FRAS1: variants seen among roughly 807,000 people sequenced by gnomAD.
FRAS1 encodes Fraser extracellular matrix complex subunit 1.
Under a neutral mutation model 435.2 loss-of-function variants are expected in FRAS1, and 290 were observed. The observed-to-expected ratio is 0.67, with a 90% CI of 0.61 to 0.73. The LOEUF (loss-of-function observed/expected upper bound fraction) is 0.73. Ranked by LOEUF, FRAS1 falls within the 30% of genes least tolerant of loss-of-function variation. FRAS1 has a pLI of 0.00. For missense variants in FRAS1, 4,860 were observed against 5,001.5 expected (o/e 0.97, Z 0.85); for synonymous variants, 1,800 against 1,851.0 (o/e 0.97, Z 0.71).
intron 18 of FRAS1, chr4:78,319,579 G>GAAAAAAA: frequency 3.5e-6 from 1 of 284,646 alleles, no homozygotes; most frequent in Middle Eastern, 4.4e-4. Flanking sequence ...AAAGCTACGT[G>GAAAAAAA]AAAAAAAAAT....
At chr4:78,380,074 C>G in intron 27 of FRAS1, 78 bp downstream of exon 27, 1 of 1,497,380 alleles carries the variant, frequency 6.7e-7, no homozygotes, top group Non-Finnish European at 9.0e-7. Flanking sequence ...GTCCCAGCCT[C>G]TCTGTCTCAA....
chr4:78,203,790 A>G (rs573852234), intron 2 of FRAS1, among the ~76,000 whole-genome samples: 3 of 151,894 alleles, frequency 2.0e-5, no homozygotes, highest in Non-Finnish European at 2.9e-5. Flanking sequence ...CTGGTCTCGA[A>G]CTCCTGACCT....
intron 72 of FRAS1, among the ~76,000 whole-genome samples, chr4:78,537,723 A>G (rs971429642): frequency 4.6e-5 from 7 of 152,156 alleles, no homozygotes; most frequent in African/African-American, 1.7e-4. Context: ...TGGGAGAATC[A>G]CTTAAGCTTA....
intron 2 of FRAS1, among the ~76,000 whole-genome samples, chr4:78,189,052 A>G (rs975847645): frequency 2.0e-5 from 3 of 152,176 alleles, no homozygotes; most frequent in Non-Finnish European, 1.5e-5. Context: ...AGACTAAGGC[A>G]AAAGGTTTGC....
chr4:78,384,540 G>T (rs1480961201), intron 28 of FRAS1, among the ~76,000 whole-genome samples: 1 of 152,094 alleles, frequency 6.6e-6, no homozygotes, highest in Non-Finnish European at 1.5e-5. Flanking sequence ...TACAGAGGCG[G>T]TGTTCTTAAC....
At chr4:78,105,183 G>A (rs1420612665) in intron 2 of FRAS1, among the ~76,000 whole-genome samples, 1 of 152,166 alleles carries the variant, frequency 6.6e-6, no homozygotes, top group Non-Finnish European at 1.5e-5. Context: ...GGCTTGGCTT[G>A]GCAGAGTCCT....
At chr4:78,511,558 C>G in intron 64 of FRAS1, 52 bp downstream of exon 64, 1 of 1,315,970 alleles carries the variant, frequency 7.6e-7, no homozygotes, top group Admixed American at 1.9e-5. Flanking sequence ...AATCTCAGGT[C>G]TCCTTTGTGT....
chr4:78,263,373 A>G (rs1726206079), intron 6 of FRAS1, among the ~76,000 whole-genome samples: 1 of 152,200 alleles, frequency 6.6e-6, no homozygotes, highest in African/African-American at 2.4e-5. Flanking sequence ...TGTTGCCAAT[A>G]AGATTTGGAA....
At chr4:78,405,223 G>A (rs1210820894) in intron 30 of FRAS1, among the ~76,000 whole-genome samples, 6 of 152,138 alleles carry the variant, frequency 3.9e-5, no homozygotes, top group African/African-American at 1.4e-4. Context: ...TATCATAAAA[G>A]CAGAATAACT....
chr4:78,385,360 G>C (rs1226992163), intron 28 of FRAS1, among the ~76,000 whole-genome samples: 1 of 152,178 alleles, frequency 6.6e-6, no homozygotes, highest in Non-Finnish European at 1.5e-5. Context: ...AAGGACACTA[G>C]ATGATTGTTT....
chr4:78,280,341 G>C (rs957925477), intron 10 of FRAS1, among the ~76,000 whole-genome samples: 1 of 152,140 alleles, frequency 6.6e-6, no homozygotes, highest in Admixed American at 6.5e-5. Context: ...CTACAGCATG[G>C]ATATGCTGGA....
intron 33 of FRAS1, among the ~76,000 whole-genome samples, chr4:78,420,589 T>TTAGTTCTATACCTGA (rs1262339009): frequency 4.7e-5 from 5 of 106,228 alleles, no homozygotes; most frequent in Non-Finnish European, 7.4e-5. Context: ...GTTCTTAGAA[T>TTAGTTCTATACCTGA]AATCAAGACC....
chr4:78,077,197 A>AACACACACACACACACAC (rs10535451), intron 2 of FRAS1, among the ~76,000 whole-genome samples: 39 of 149,932 alleles, frequency 2.6e-4, no homozygotes, highest in African/African-American at 9.1e-4. Context: ...GACACACAGA[A>AACACACACACACACACAC]ACACACACAC....
At chr4:78,122,347 G>A (rs919171838) in intron 2 of FRAS1, among the ~76,000 whole-genome samples, 6 of 152,092 alleles carry the variant, frequency 3.9e-5, no homozygotes, top group Non-Finnish European at 8.8e-5. Context: ...TGGTGTATAT[G>A]TGCCACATTT....
At chr4:78,462,712 A>G (rs1158037938) in intron 47 of FRAS1, among the ~76,000 whole-genome samples, 3 of 152,204 alleles carry the variant, frequency 2.0e-5, no homozygotes, top group Non-Finnish European at 4.4e-5. Context: ...GAGCCAAAAG[A>G]CAAAGCTATA....
At chr4:78,071,650 G>A (rs779508290) in intron 2 of FRAS1, 2 of 152,154 alleles carry the variant, frequency 1.3e-5, no homozygotes, top group African/African-American at 2.4e-5. Context: ...TGGTAGCTAC[G>A]AGCCACATGT....
At chr4:78,259,114 C>T (rs1226058023) in intron 6 of FRAS1, among the ~76,000 whole-genome samples, 10 of 82,784 alleles carry the variant, frequency 1.2e-4, no homozygotes, top group Non-Finnish European at 1.4e-4. Context: ...CATTGTTGGA[C>T]ATTTGTGTTG....
chr4:78,303,035 T>C (rs1290575553), intron 14 of FRAS1, among the ~76,000 whole-genome samples: 1 of 152,154 alleles, frequency 6.6e-6, no homozygotes, highest in Non-Finnish European at 1.5e-5. Flanking sequence ...GATTTTTGTA[T>C]AAGGTGTAAG....
intron 2 of FRAS1, among the ~76,000 whole-genome samples, chr4:78,069,875 GT>G (rs2077163791): frequency 6.6e-6 from 1 of 151,638 alleles, no homozygotes; most frequent in Non-Finnish European, 1.5e-5. Context: ...GTAAGTCCTA[GT>G]GGAAAAGAGA....
Sources: gnomAD v4.1 joint callset for allele counts (sites outside exome capture counted in the v4.1 genomes callset) on GRCh38, gnomAD v4.1.1 for gene constraint, MANE v1.5 for transcripts, NCBI Gene and HGNC (gene_info 2026-07-23, HGNC 2026-07-21) for gene names.